The following EPS8 variants were observed in gnomAD, a reference collection of about 807,000 sequenced individuals.
EPS8 encodes the protein EGFR pathway substrate 8, signaling adaptor, also known as epidermal growth factor receptor kinase substrate 8.
In EPS8, 42 loss-of-function variants were observed where a neutral mutation model predicts 103.8. That is an observed-to-expected ratio of 0.40 (90% CI 0.32 to 0.52). EPS8 has a LOEUF of 0.52. Ranked by LOEUF, EPS8 falls within the 20% of genes least tolerant of loss-of-function variation. The pLI, the probability that EPS8 is intolerant of heterozygous loss-of-function variation, is 0.40. For synonymous variants in EPS8, 344 were observed against 344.6 expected, an observed-to-expected ratio of 1.00 and a Z score of 0.02; for missense variants, 969 against 1,005.1, an observed-to-expected ratio of 0.96 and a Z score of 0.49.
rs569677766 is a variant in EPS8 at position 15,697,163 on chromosome 12, T to C, written c.-21-14191A>G. 3.3e-5 allele frequency among the ~76,000 whole-genome samples: 5 copies of C among 152,262 alleles called. No homozygotes were observed. Among genetic ancestry groups the C allele is most frequent in the Admixed American group, 1.3e-4 (2 of 15,296 alleles). On this transcript the variant is annotated intron_variant, in intron 1 of 20. Transcript: ENST00000281172. The surrounding 1 kb of genome is among the most constrained non-coding windows in gnomAD (Gnocchi z 5.6). The stretch of plus-strand genomic sequence containing the variant: ...CAAACTGATTTGGGAAAATGGCCTA[T>C]AGACTGAAGAAGGGAAAACTTGAGG...
chr12:15,769,422 T>G lies in EPS8; in HGVS notation c.-22+19739A>C, dbSNP rs549226620. Among the ~76,000 whole-genome samples the G allele has an allele frequency of 7.9e-5, 12 of 152,222 alleles. No individual in the cohort carries two copies. The highest frequency in any genetic ancestry group is 1.5e-4 in the Non-Finnish European group (10 of 68,002). ...TGAAAAATGCATTTTCAAGGATATA[T>G]TAAAGAAAATCACTCAGAGTTTTAT... is the stretch of plus-strand genomic sequence containing the variant. On this transcript the variant is annotated intron_variant, in intron 1 of 20. Coordinates refer to ENST00000281172, the MANE Select transcript of EPS8 (RefSeq NM_004447.6). This position sits in a 1 kb window ranked among gnomAD's most constrained non-coding sequence, Gnocchi z 4.6.
Position 15,700,872 on chromosome 12 carries a change from C to A in EPS8, c.-21-17900G>T, listed in dbSNP as rs1946302938. On this transcript the variant is annotated intron_variant, in intron 1 of 20. Transcript: ENST00000281172. The surrounding 1 kb of genome is among the most constrained non-coding windows in gnomAD (Gnocchi z 5.1). ...GATTAGACAAAATTGAAGTCTATCA[C>A]AAAATAGACAAAGGACATATATTTT... Among the ~76,000 whole-genome samples, 1 of 152,070 alleles carries A rather than the reference C, an allele frequency of 6.6e-6. No homozygotes were observed. The highest frequency in any genetic ancestry group is 1.5e-5 in the Non-Finnish European group (1 of 68,008).
Position 15,721,893 on chromosome 12 carries a change from A to C in EPS8, c.-21-38921T>G, listed in dbSNP as rs1946599888. Among the ~76,000 whole-genome samples, 1 of 151,868 alleles carries C rather than the reference A, an allele frequency of 6.6e-6. No homozygotes were observed. Among genetic ancestry groups the C allele is most frequent in the African/African-American group, 2.4e-5 (1 of 41,426 alleles). On this transcript the variant is annotated intron_variant, in intron 1 of 20. Coordinates refer to ENST00000281172, the MANE Select transcript of EPS8 (RefSeq NM_004447.6). This position sits in a 1 kb window ranked among gnomAD's most constrained non-coding sequence, Gnocchi z 4.4. ...ATACAAAACTATTTTAAGAACAAAA[A>C]TCATGAGTCATCCTGCTAGCCAGAG...
chr12:15,685,888 CTGTT>C (rs1488055556), intron 1 of EPS8, among the ~76,000 whole-genome samples: 1 of 152,092 alleles, frequency 6.6e-6, no homozygotes, highest in East Asian at 1.9e-4. Context: ...TTTTTATAAA[CTGTT>C]AAAGCAACCT....
At chr12:15,694,459 G>A (rs1239870615) in intron 1 of EPS8, among the ~76,000 whole-genome samples, 4 of 152,138 alleles carry the variant, frequency 2.6e-5, no homozygotes, top group Non-Finnish European at 4.4e-5. Context: ...TACTGTTCAC[G>A]AAAAGCTCTT....
intron 3 of EPS8, among the ~76,000 whole-genome samples, chr12:15,672,937 G>T (rs992415117): frequency 6.6e-6 from 1 of 152,122 alleles, no homozygotes; most frequent in Non-Finnish European, 1.5e-5. Context: ...ATGTTCAAAT[G>T]CTTTGTCTTT....
At chr12:15,644,832 G>T (rs1471551981) in intron 15 of EPS8, among the ~76,000 whole-genome samples, 1 of 152,024 alleles carries the variant, frequency 6.6e-6, no homozygotes, top group Non-Finnish European at 1.5e-5. Context: ...AAACCTCTGT[G>T]TATTTTATAT....
chr12:15,643,740 G>GGAAAAAAAA (rs1491565427), intron 15 of EPS8, among the ~76,000 whole-genome samples: 33 of 76,956 alleles, frequency 4.3e-4, no homozygotes, highest in African/African-American at 1.7e-3. Flanking sequence ...ACTCTGTCTC[G>GGAAAAAAAA]AAAAAAAAAA....
Position 15,714,692 on chromosome 12 carries a change from A to T in EPS8, c.-21-31720T>A, listed in dbSNP as rs564383719. On this transcript the variant is annotated intron_variant, in intron 1 of 20. Coordinates refer to ENST00000281172, the MANE Select transcript of EPS8 (RefSeq NM_004447.6). The surrounding 1 kb of genome is among the most constrained non-coding windows in gnomAD (Gnocchi z 4.1). The stretch of plus-strand genomic sequence containing the variant: ...AAAAAGTGCTGCTTGTTGCCAGTGC[A>T]GTATTCTTGGGGCAAATGGGAAATG... 6.6e-5 allele frequency among the ~76,000 whole-genome samples: 10 copies of T among 152,218 alleles called. No homozygotes were observed. Among genetic ancestry groups the T allele is most frequent in the Non-Finnish European group, 1.5e-4 (10 of 68,032 alleles).
intron 1 of EPS8, among the ~76,000 whole-genome samples, chr12:15,699,728 T>C (rs904356398): frequency 5.3e-5 from 8 of 152,196 alleles, no homozygotes; most frequent in African/African-American, 1.2e-4. Flanking sequence ...TAAACCCTCA[T>C]TCCCACCACT....
chr12:15,651,891 G>A (rs144466738), intron 13 of EPS8, among the ~76,000 whole-genome samples: 8 of 151,970 alleles, frequency 5.3e-5, no homozygotes, highest in African/African-American at 1.4e-4. Flanking sequence ...GACCCTTTCC[G>A]TGTGTTAACA....
In EPS8 at chr12:15,713,031, G is replaced by A. The variant is rs1251671969; in HGVS notation, c.-21-30059C>T. ...AAAATTTCTGATTTGGTTTCTCTAG[G>A]GCGTTAACTAAGATTTCCTCCTCTT... is the stretch of plus-strand genomic sequence containing the variant. On this transcript the variant is annotated intron_variant, in intron 1 of 20. Transcript: ENST00000281172. The surrounding 1 kb of genome is among the most constrained non-coding windows in gnomAD (Gnocchi z 4.8). 1 of 983,298 alleles carries A rather than the reference G, an allele frequency of 1.0e-6. No homozygotes were observed. Among genetic ancestry groups the A allele is most frequent in the Non-Finnish European group, 1.2e-6 (1 of 828,226 alleles). The allele number at this position is 983,298 out of a possible 1,614,324, so 60.9% of individuals were successfully genotyped here. A position where few individuals can be genotyped will look rare whatever the true frequency, so the allele number is the denominator to read the frequency against.
intron 15 of EPS8, among the ~76,000 whole-genome samples, chr12:15,644,273 C>T (rs1458538749): frequency 6.6e-6 from 1 of 152,152 alleles, no homozygotes; most frequent in African/African-American, 2.4e-5. Flanking sequence ...GTTTTCTGTA[C>T]GTCACTTTCC....
chr12:15,674,838 A>C (rs1183644263), intron 3 of EPS8, among the ~76,000 whole-genome samples: 4 of 69,758 alleles, frequency 5.7e-5, no homozygotes, highest in Non-Finnish European at 1.1e-4. Context: ...ATTTCAAAAA[A>C]AAATTTGTTC....
rs887970024 is a variant in EPS8, at chr12:15,688,827, A to C, written c.-21-5855T>G. Among the ~76,000 whole-genome samples, 5 of 152,210 alleles carry C rather than the reference A, an allele frequency of 3.3e-5. No homozygotes were observed. The highest frequency in any genetic ancestry group is 1.2e-4 in the African/African-American group (5 of 41,464). On this transcript the variant is annotated intron_variant, in intron 1 of 20. Transcript: ENST00000281172. The surrounding 1 kb of genome is among the most constrained non-coding windows in gnomAD (Gnocchi z 5.1). The stretch of plus-strand genomic sequence containing the variant: ...ACCCCCTGTCCTTGCAATAAGGTAG[A>C]GGATCTAATTGAGCTGGTTAACACA...
intron 1 of EPS8, among the ~76,000 whole-genome samples, chr12:15,719,107 T>C (rs533197689): frequency 6.6e-6 from 1 of 152,002 alleles, no homozygotes; most frequent in Non-Finnish European, 1.5e-5. Flanking sequence ...TGTCCTCTTA[T>C]CAAAAAATCA....
chr12:15,663,650 C>T (rs1022493532), intron 8 of EPS8, among the ~76,000 whole-genome samples: 1 of 151,910 alleles, frequency 6.6e-6, no homozygotes, highest in Admixed American at 6.6e-5. Context: ...TTCAGCAGGG[C>T]ATGGTGGCTC....
chr12:15,639,816 C>A (rs979771674), intron 17 of EPS8, among the ~76,000 whole-genome samples: 1 of 152,174 alleles, frequency 6.6e-6, no homozygotes, highest in African/African-American at 2.4e-5. Context: ...GCATATTCTA[C>A]GCAGCTTCTA....
intron 1 of EPS8, among the ~76,000 whole-genome samples, chr12:15,685,977 C>T (rs1429393743): frequency 6.6e-6 from 1 of 152,114 alleles, no homozygotes; most frequent in Non-Finnish European, 1.5e-5. Flanking sequence ...ATCACACTAA[C>T]TACATAATTC....
Sources: allele counts gnomAD v4.1 joint callset (sites outside exome capture counted in the v4.1 genomes callset), GRCh38; gene constraint gnomAD v4.1.1; non-coding constraint Gnocchi (gnomAD v3.1); transcripts MANE v1.5; gene names NCBI Gene and HGNC (gene_info 2026-07-23, HGNC 2026-07-21).